FNDC4: variants seen among roughly 807,000 people sequenced by gnomAD.
FNDC4 encodes fibronectin type III domain containing 4.
In FNDC4, 11 loss-of-function variants were observed where a neutral mutation model predicts 25.1. The observed-to-expected ratio is 0.44, with a 90% CI of 0.28 to 0.73. The LOEUF (loss-of-function observed/expected upper bound fraction) is 0.73, where lower values mean the gene tolerates loss of function less well. Ranked by LOEUF, FNDC4 falls within the 30% of genes least tolerant of loss-of-function variation. The pLI is 0.16. For synonymous variants in FNDC4, 136 were observed against 118.8 expected (o/e 1.14, Z -0.94); for missense variants, 250 against 304.3 (o/e 0.82, Z 1.33).
Position 27,492,497 on chromosome 2 carries a change from T to G in FNDC4, c.670-19A>C, listed in dbSNP as rs755019931. On this transcript the variant is annotated intron_variant, in intron 6 of 6. Transcript: ENST00000264703. The surrounding 1 kb of genome is among the most constrained non-coding windows in gnomAD (Gnocchi z 4.1). ...ACTTTTTCTGTGAAAGAAAATGGCC[T>G]GAGTCTCAACTTCAGGAAGGTAATA... 79 of 1,612,274 alleles carry G rather than the reference T, an allele frequency of 4.9e-5. No individual in the cohort carries two copies. Among genetic ancestry groups the G allele is most frequent in the Non-Finnish European group, 6.4e-5 (75 of 1,178,416 alleles).
rs916033905 is a variant in FNDC4, at chr2:27,494,301, G to A, written c.249+50C>T. 15 of 1,523,664 alleles carry A rather than the reference G, an allele frequency of 9.8e-6. No individual in the cohort carries two copies. Among genetic ancestry groups the A allele is most frequent in the Non-Finnish European group, 1.4e-5 (15 of 1,100,732 alleles). The allele number at this position is 1,523,664 out of a possible 1,614,324, so 94.4% of individuals were successfully genotyped here. A position where few individuals can be genotyped will look rare whatever the true frequency, so the allele number is the denominator to read the frequency against. On this transcript the variant is annotated intron_variant, in intron 3 of 6. Coordinates refer to ENST00000264703, the MANE Select transcript of FNDC4 (RefSeq NM_022823.3). This position sits in a 1 kb window ranked among gnomAD's most constrained non-coding sequence, Gnocchi z 4.6. Reference sequence around the variant, plus strand: ...ATCCCCCCCACTTAAGTGAAGAAATGTGCCGAAATCCAAGGACACAGGTTG... The same window carrying A: ...ATCCCCCCCACTTAAGTGAAGAAATATGCCGAAATCCAAGGACACAGGTTG...
Position 27,493,953 on chromosome 2 carries a change from A to G in FNDC4, c.431T>C (p.Leu144Pro), listed in dbSNP as rs1389536776. ...HFRTLKGSDR[L>P]PSNSSSPGDI... is the part of the protein sequence containing the mutation. ...ACCTGGGCTTGAACTGTTTGAAGGTAGCCGGTCAGAACCCTTGAGAGTTCG... is the reference window on the plus strand; with the variant it reads ...ACCTGGGCTTGAACTGTTTGAAGGTGGCCGGTCAGAACCCTTGAGAGTTCG... Residue 144 changes from leucine to proline, a missense_variant, in exon 4 of 7, where the codon CTA (leucine) becomes CCA (proline). By Grantham distance (98) the Leu-to-Pro change is moderately conservative (BLOSUM62 -3). Coordinates refer to ENST00000264703, the MANE Select transcript of FNDC4 (RefSeq NM_022823.3). The G allele has an allele frequency of 3.1e-6, 5 of 1,614,132 alleles. No homozygotes were observed. The highest frequency in any genetic ancestry group is 3.4e-6 in the Non-Finnish European group (4 of 1,180,042).
intron 5 of FNDC4, among the ~76,000 whole-genome samples, 160 bp downstream of exon 5, chr2:27,493,229 C>T (rs1293529122): frequency 6.6e-6 from 1 of 152,146 alleles, no homozygotes; most frequent in African/African-American, 2.4e-5. Flanking sequence ...CCAGGCTGGT[C>T]TCAAACTCCT....
chr2:27,494,261 T>C lies in FNDC4; in HGVS notation c.249+90A>G. On this transcript the variant is annotated intron_variant, in intron 3 of 6. Transcript: ENST00000264703. This position sits in a 1 kb window ranked among gnomAD's most constrained non-coding sequence, Gnocchi z 4.6. ...GTGAAAAGGGCAGCCTGAGCCAGGATACGCCAGCTTCCAGATCCCCCCCAC... is the reference window on the plus strand; with the variant it reads ...GTGAAAAGGGCAGCCTGAGCCAGGACACGCCAGCTTCCAGATCCCCCCCAC... The C allele has an allele frequency of 1.4e-6, 2 of 1,394,264 alleles. No homozygotes were observed. Among genetic ancestry groups the C allele is most frequent in the South Asian group, 2.4e-5 (2 of 83,794 alleles). The allele number at this position is 1,394,264 out of a possible 1,614,324, so 86.4% of individuals were successfully genotyped here.
In FNDC4 at chr2:27,492,935, C is replaced by T. The variant is rs1385160383; in HGVS notation, c.545-145G>A. ...CTCTCTGGGCTCTCAACAGCCTCCT[C>T]TCCCTCTCTTCAAAGTTCAAATCAT... On this transcript the variant is annotated intron_variant, in intron 5 of 6. Coordinates refer to ENST00000264703, the MANE Select transcript of FNDC4 (RefSeq NM_022823.3). This position sits in a 1 kb window ranked among gnomAD's most constrained non-coding sequence, Gnocchi z 4.1. 2.6e-6 allele frequency: 2 copies of T among 783,682 alleles called. No individual in the cohort carries two copies. The highest frequency in any genetic ancestry group is 4.2e-6 in the Non-Finnish European group (2 of 474,820). The allele number at this position is 783,682 out of a possible 1,614,324, so 48.5% of individuals were successfully genotyped here.
rs1411071560 is a variant in FNDC4, at chr2:27,492,813, C to A, written c.545-23G>T. ...CAGCTGAAACACAATACAGTCTGAGCCTTCATCTCCACTTCCCCCCTCATA... is the reference window on the plus strand; with the variant it reads ...CAGCTGAAACACAATACAGTCTGAGACTTCATCTCCACTTCCCCCCTCATA... On this transcript the variant is annotated intron_variant, in intron 5 of 6. Transcript: ENST00000264703. This position sits in a 1 kb window ranked among gnomAD's most constrained non-coding sequence, Gnocchi z 4.1. 4 of 1,613,632 alleles carry A rather than the reference C, an allele frequency of 2.5e-6. No individual in the cohort carries two copies. The East Asian group carries it at 8.9e-5, about 36-fold the overall frequency.
Position 27,494,295 on chromosome 2 carries a change from AGAAATGTGCC to A in FNDC4, c.249+46_249+55del. 6.6e-7 allele frequency: 1 copy of A among 1,510,416 alleles called. No individual in the cohort carries two copies. Among genetic ancestry groups the A allele is most frequent in the South Asian group, 1.1e-5 (1 of 87,968 alleles). The allele number at this position is 1,510,416 out of a possible 1,614,324, so 93.6% of individuals were successfully genotyped here. ...TTCCAGATCCCCCCCACTTAAGTGA[AGAAATGTGCC>A]GAAATCCAAGGACACAGGTTGGGGG... On this transcript the variant is annotated intron_variant, in intron 3 of 6. Coordinates refer to ENST00000264703, the MANE Select transcript of FNDC4 (RefSeq NM_022823.3). This position sits in a 1 kb window ranked among gnomAD's most constrained non-coding sequence, Gnocchi z 4.6.
Position 27,494,724 on chromosome 2 carries a change from G to T in FNDC4, c.-24-21C>A, listed in dbSNP as rs1377118281. 1 of 1,468,398 alleles carries T rather than the reference G, an allele frequency of 6.8e-7. No individual in the cohort carries two copies. Among genetic ancestry groups the T allele is most frequent in the Non-Finnish European group, 9.0e-7 (1 of 1,110,084 alleles). The allele number at this position is 1,468,398 out of a possible 1,614,324, so 91.0% of individuals were successfully genotyped here. A position where few individuals can be genotyped will look rare whatever the true frequency, so the allele number is the denominator to read the frequency against. ...GGCTCCTGGAGATGGCAGGAGTTGT[G>T]GGGGGTCAAGGACTGCCCAGAACGC... On this transcript the variant is annotated intron_variant, in intron 1 of 6. Transcript: ENST00000264703. This position sits in a 1 kb window ranked among gnomAD's most constrained non-coding sequence, Gnocchi z 4.6.
Position 27,492,979 on chromosome 2 carries a change from C to G in FNDC4, c.545-189G>C, listed in dbSNP as rs1669296439. ...AAATCATCCCTCCTGAACTAAGTAT[C>G]TCCCCACTCCACTCTATTTCTCTTA... On this transcript the variant is annotated intron_variant, in intron 5 of 6. Coordinates refer to ENST00000264703, the MANE Select transcript of FNDC4 (RefSeq NM_022823.3). The surrounding 1 kb of genome is among the most constrained non-coding windows in gnomAD (Gnocchi z 4.1). 6.6e-6 allele frequency among the ~76,000 whole-genome samples: 1 copy of G among 151,248 alleles called. No individual in the cohort carries two copies. The highest frequency in any genetic ancestry group is 2.4e-5 in the African/African-American group (1 of 41,064).
At position 27,494,025 on chromosome 2, in the gene FNDC4, C is replaced by T. The variant is rs773966063; in HGVS notation, c.359G>A (p.Ser120Asn). Residue 120 changes from serine (S) to asparagine (N), a missense_variant, in exon 4 of 7, where the codon AGC becomes AAC. Coordinates refer to ENST00000264703, the MANE Select transcript of FNDC4 (RefSeq NM_022823.3). This position sits in a 1 kb window ranked among gnomAD's most constrained non-coding sequence, Gnocchi z 4.6. ...GGGACTCTCTCCCCGAAGGCCGATG[C>T]TCCTGACCTGCACTGTGTAGTCACT... ...EDSDYTVQVR[S>N]IGLRGESPPG... 1 of 1,614,222 alleles carries T rather than the reference C, an allele frequency of 6.2e-7. No homozygotes were observed. Among genetic ancestry groups the T allele is most frequent in the South Asian group, 1.1e-5 (1 of 91,092 alleles).
rs761244499 is a variant in FNDC4 at position 27,493,348 on chromosome 2, C to A, written c.544+41G>T. 5.9e-6 allele frequency: 9 copies of A among 1,525,076 alleles called. No homozygotes were observed. The African/African-American group carries it at 9.6e-5, about 16-fold the overall frequency. 94.5% of individuals were successfully genotyped at this position (1,525,076 alleles called of 1,614,324 possible). A position where few individuals can be genotyped will look rare whatever the true frequency, so the allele number is the denominator to read the frequency against. The stretch of plus-strand genomic sequence containing the variant: ...CCTGACAACCTTTGCCACCTCACAC[C>A]TTTACTGAGTCCCTGGTCCCCTGTC... On this transcript the variant is annotated intron_variant, in intron 5 of 6. Transcript: ENST00000264703.
Position 27,494,245 on chromosome 2 carries a change from G to T in FNDC4, c.249+106C>A. 1 of 1,397,986 alleles carries T rather than the reference G, an allele frequency of 7.2e-7. No individual in the cohort carries two copies. The highest frequency in any genetic ancestry group is 1.4e-5 in the African/African-American group (1 of 70,562). The allele number at this position is 1,397,986 out of a possible 1,614,324, so 86.6% of individuals were successfully genotyped here. ...ACTCCGGGGGAGTAGCGTGAAAAGG[G>T]CAGCCTGAGCCAGGATACGCCAGCT... On this transcript the variant is annotated intron_variant, in intron 3 of 6. Coordinates refer to ENST00000264703, the MANE Select transcript of FNDC4 (RefSeq NM_022823.3). This position sits in a 1 kb window ranked among gnomAD's most constrained non-coding sequence, Gnocchi z 4.6.
At position 27,494,347 on chromosome 2, in the gene FNDC4, A is replaced by G. The variant is rs780911686; in HGVS notation, c.249+4T>C. 1.2e-6 allele frequency: 2 copies of G among 1,609,110 alleles called. No homozygotes were observed. Among genetic ancestry groups the G allele is most frequent in the Non-Finnish European group, 1.7e-6 (2 of 1,175,352 alleles). On this transcript the variant is annotated splice_donor_region_variant and intron_variant, in intron 3 of 6. Coordinates refer to ENST00000264703, the MANE Select transcript of FNDC4 (RefSeq NM_022823.3). This position sits in a 1 kb window ranked among gnomAD's most constrained non-coding sequence, Gnocchi z 4.6. The stretch of plus-strand genomic sequence containing the variant: ...GGTTGGGGGAGCAGAAGGGTGATTC[A>G]TACTTGCTGGGAAATGGAGTAGCCA...
rs1005733035 is a variant in FNDC4 at position 27,494,905 on chromosome 2, C to A, written c.-52G>T. ...CCGCCGGTCCTCGCGGTTGGTCAGG[C>A]CTCGGGGGGCTGCTCGGTGCCCAGA... On this transcript the variant is annotated 5_prime_UTR_variant, in exon 1 of 7. Coordinates refer to ENST00000264703, the MANE Select transcript of FNDC4 (RefSeq NM_022823.3). The surrounding 1 kb of genome is among the most constrained non-coding windows in gnomAD (Gnocchi z 4.6). 1.7e-5 allele frequency: 8 copies of A among 460,594 alleles called. No individual in the cohort carries two copies. The highest frequency in any genetic ancestry group is 1.2e-4 in the African/African-American group (6 of 49,294). The allele number at this position is 460,594 out of a possible 1,614,324, so 28.5% of individuals were successfully genotyped here. A position where few individuals can be genotyped will look rare whatever the true frequency, so the allele number is the denominator to read the frequency against.
At position 27,492,606 on chromosome 2, in the gene FNDC4, T is replaced by C; in HGVS notation, c.669+60A>G. 1 of 1,610,916 alleles carries C rather than the reference T, an allele frequency of 6.2e-7. No individual in the cohort carries two copies. The highest frequency in any genetic ancestry group is 8.5e-7 in the Non-Finnish European group (1 of 1,177,258). ...CTGCCCCTCTTTGACCTTCTTCCTT[T>C]CCCTGGCTGCCCCTCAGGGGCAGAA... On this transcript the variant is annotated intron_variant, in intron 6 of 6. Transcript: ENST00000264703. This position sits in a 1 kb window ranked among gnomAD's most constrained non-coding sequence, Gnocchi z 4.1.
At position 27,494,607 on chromosome 2, in the gene FNDC4, G is replaced by A. The variant is rs1266911208; in HGVS notation, c.73C>T (p.Pro25Ser). The change falls in exon 2 of 7, where the codon CCA becomes TCA. Residue 25 changes from proline (P) to serine (S), a missense_variant. Pro to Ser is a moderately conservative substitution (Grantham distance 74, BLOSUM62 -1). Transcript: ENST00000264703. This position sits in a 1 kb window ranked among gnomAD's most constrained non-coding sequence, Gnocchi z 4.6. Reference protein sequence around the residue: ...GDMASLVPLSPYLSPTVLLLV... With the variant: ...GDMASLVPLSSYLSPTVLLLV... ...AGGAGGACCGTGGGGCTTAGATATG[G>A]GGAAAGGGGCACCAGCGAAGCCATG... is the stretch of plus-strand genomic sequence containing the variant. 1 of 1,610,958 alleles carries A rather than the reference G, an allele frequency of 6.2e-7. No individual in the cohort carries two copies. The highest frequency in any genetic ancestry group is 1.3e-5 in the African/African-American group (1 of 74,892).
rs1669326798 is a variant in FNDC4 at position 27,494,261 on chromosome 2, T to A, written c.249+90A>T. ...GTGAAAAGGGCAGCCTGAGCCAGGA[T>A]ACGCCAGCTTCCAGATCCCCCCCAC... On this transcript the variant is annotated intron_variant, in intron 3 of 6. Transcript: ENST00000264703. This position sits in a 1 kb window ranked among gnomAD's most constrained non-coding sequence, Gnocchi z 4.6. The A allele has an allele frequency of 2.2e-5, 30 of 1,394,146 alleles. No homozygotes were observed. In the South Asian group the frequency reaches 3.6e-4, roughly 17 times the overall value. 86.4% of individuals were successfully genotyped at this position (1,394,146 alleles called of 1,614,324 possible).
chr2:27,494,701 C>T lies in FNDC4; in HGVS notation c.-22G>A. The T allele has an allele frequency of 6.6e-7, 1 of 1,510,364 alleles. No individual in the cohort carries two copies. The highest frequency in any genetic ancestry group is 1.3e-5 in the South Asian group (1 of 77,816). The allele number at this position is 1,510,364 out of a possible 1,614,324, so 93.6% of individuals were successfully genotyped here. A position where few individuals can be genotyped will look rare whatever the true frequency, so the allele number is the denominator to read the frequency against. On this transcript the variant is annotated splice_region_variant and 5_prime_UTR_variant, in exon 2 of 7. Transcript: ENST00000264703. This position sits in a 1 kb window ranked among gnomAD's most constrained non-coding sequence, Gnocchi z 4.6. ...GCATCCGCTTGACATCCAGGCGGGG[C>T]TCCTGGAGATGGCAGGAGTTGTGGG...
chr2:27,492,604 T>C lies in FNDC4; in HGVS notation c.669+62A>G. On this transcript the variant is annotated intron_variant, in intron 6 of 6. Transcript: ENST00000264703. The surrounding 1 kb of genome is among the most constrained non-coding windows in gnomAD (Gnocchi z 4.1). ...TTCTGCCCCTCTTTGACCTTCTTCC[T>C]TTCCCTGGCTGCCCCTCAGGGGCAG... is the stretch of plus-strand genomic sequence containing the variant. The C allele has an allele frequency of 1.2e-6, 2 of 1,610,946 alleles. No homozygotes were observed. The highest frequency in any genetic ancestry group is 1.7e-6 in the Non-Finnish European group (2 of 1,177,240).
Sources: allele counts gnomAD v4.1 joint callset (sites outside exome capture counted in the v4.1 genomes callset), GRCh38; gene constraint gnomAD v4.1.1; non-coding constraint Gnocchi (gnomAD v3.1); transcripts MANE v1.5; gene names NCBI Gene and HGNC (gene_info 2026-07-23, HGNC 2026-07-21).